STAC: variants seen among roughly 807,000 people sequenced by gnomAD.
STAC encodes the protein SH3 and cysteine rich domain, also known as SH3 and cysteine-rich domain-containing protein.
In STAC, 43 loss-of-function variants were observed where a neutral mutation model predicts 48.8. That is an observed-to-expected ratio of 0.88 (90% CI 0.69 to 1.14). The LOEUF is 1.14. Among genes scored for constraint, STAC ranks in the 50% most tolerant of loss-of-function variants. The probability of loss-of-function intolerance (pLI) is 0.00; values close to 1 mark genes in which losing one functional copy is unlikely to be tolerated. For missense variants in STAC, 497 were observed against 504.0 expected (o/e 0.99, Z 0.13); for synonymous variants, 193 against 179.5 (o/e 1.07, Z -0.60).
intron 2 of STAC, among the ~76,000 whole-genome samples, chr3:36,463,843 T>G (rs1697089520): frequency 6.6e-6 from 1 of 152,174 alleles, no homozygotes; most frequent in South Asian, 2.1e-4. Flanking sequence ...ACAAAGGACA[T>G]GAACTCATCC....
chr3:36,509,417 T>A (rs757017768), intron 8 of STAC, among the ~76,000 whole-genome samples: 2 of 152,086 alleles, frequency 1.3e-5, no homozygotes, highest in African/African-American at 2.4e-5. Flanking sequence ...TTTGTGGTGG[T>A]CTCCATATTT....
rs1699444073 is a variant in STAC at position 36,546,274 on chromosome 3, A to G, written c.1194A>G (p.Val398=). 3.7e-6 allele frequency: 6 copies of G among 1,613,850 alleles called. No individual in the cohort carries two copies. Among genetic ancestry groups the G allele is most frequent in the Non-Finnish European group, 5.1e-6 (6 of 1,179,862 alleles). ...AGAAAGGCCTCATCCCCCTTGATGT[A>G]CTAGAAAACATCTGATTGCTGGCTC... ...GKKKGLIPLD[V]LENI is the part of the protein sequence containing the mutation. The change falls in exon 11 of 11, where the codon GTA becomes GTG. Residue 398 remains valine, a synonymous_variant. Transcript: ENST00000273183.
chr3:36,397,484 T>G (rs1300646271), intron 1 of STAC, among the ~76,000 whole-genome samples: 3 of 152,208 alleles, frequency 2.0e-5, no homozygotes, highest in Non-Finnish European at 4.4e-5. Flanking sequence ...TTATATATAC[T>G]GTAAGTGAAA....
At chr3:36,388,890 T>C (rs189304961) in intron 1 of STAC, among the ~76,000 whole-genome samples, 143 of 152,324 alleles carry the variant, frequency 9.4e-4, no homozygotes, top group Non-Finnish European at 1.7e-3. Context: ...GCTTCAATTT[T>C]TGTAGCTTAA....
chr3:36,515,975 C>CTTTT (rs1203330014), intron 8 of STAC, among the ~76,000 whole-genome samples: 7 of 61,456 alleles, frequency 1.1e-4, no homozygotes, highest in Non-Finnish European at 1.4e-4. Flanking sequence ...CATTTTTCTC[C>CTTTT]TTTTTTTTTT....
At chr3:36,384,469 G>C (rs1361890714) in intron 1 of STAC, among the ~76,000 whole-genome samples, 1 of 152,038 alleles carries the variant, frequency 6.6e-6, no homozygotes, top group Non-Finnish European at 1.5e-5. Context: ...TAATATGTTT[G>C]TTATAAGCAT....
At chr3:36,438,380 G>A (rs1487419884) in intron 1 of STAC, among the ~76,000 whole-genome samples, 1 of 152,160 alleles carries the variant, frequency 6.6e-6, no homozygotes, top group Non-Finnish European at 1.5e-5. Context: ...AAACAAAATG[G>A]AGCTGGGCCA....
intron 6 of STAC, among the ~76,000 whole-genome samples, chr3:36,497,954 G>C (rs887678106): frequency 5.3e-5 from 8 of 152,070 alleles, no homozygotes; most frequent in Non-Finnish European, 1.2e-4. Context: ...TCTAGAGGAA[G>C]AAAATTTTAA....
At chr3:36,531,889 C>T (rs1427680571) in intron 10 of STAC, among the ~76,000 whole-genome samples, 3 of 152,110 alleles carry the variant, frequency 2.0e-5, no homozygotes, top group Admixed American at 2.0e-4. Flanking sequence ...AAACCATGAA[C>T]AAATAAATAT....
At chr3:36,427,083 T>C (rs1220694874) in intron 1 of STAC, among the ~76,000 whole-genome samples, 3 of 152,206 alleles carry the variant, frequency 2.0e-5, no homozygotes, top group Non-Finnish European at 2.9e-5. Flanking sequence ...GAAAATGAAC[T>C]GTGGTCTGTT....
chr3:36,529,312 A>G (rs1419969097), intron 10 of STAC: 1 of 170,784 alleles, frequency 5.9e-6, no homozygotes, highest in African/African-American at 2.4e-5. Flanking sequence ...AGCGTCCAAC[A>G]AAGGTGTGGT....
chr3:36,478,682 A>T (rs1169964353), intron 2 of STAC, among the ~76,000 whole-genome samples: 1 of 152,032 alleles, frequency 6.6e-6, no homozygotes, highest in Non-Finnish European at 1.5e-5. Flanking sequence ...TTTAGTAGAG[A>T]TGGGTTTTTT....
chr3:36,394,823 G>A (rs1699823488), intron 1 of STAC, among the ~76,000 whole-genome samples: 1 of 151,888 alleles, frequency 6.6e-6, no homozygotes, highest in South Asian at 2.1e-4. Flanking sequence ...CTTGAACCTG[G>A]GAGGCGGAGG....
intron 1 of STAC, among the ~76,000 whole-genome samples, chr3:36,394,156 C>T (rs116354578): frequency 0.012 from 1,756 of 152,160 alleles, 14 homozygotes; most frequent in Non-Finnish European, 0.019. Flanking sequence ...TCTTCATTGT[C>T]CAATATGGTA....
intron 5 of STAC, among the ~76,000 whole-genome samples, chr3:36,490,581 G>A (rs1426238352): frequency 6.6e-6 from 1 of 152,138 alleles, no homozygotes; most frequent in East Asian, 1.9e-4. Context: ...AGCACATAGA[G>A]GCAATTGCAG....
chr3:36,400,235 A>G (rs1575175995), intron 1 of STAC, among the ~76,000 whole-genome samples: 1 of 152,352 alleles, frequency 6.6e-6, no homozygotes, highest in Non-Finnish European at 1.5e-5. Flanking sequence ...AGAGAGATAA[A>G]TGGATAGATA....
intron 1 of STAC, among the ~76,000 whole-genome samples, chr3:36,381,472 C>T (rs193069652): frequency 9.2e-5 from 14 of 152,352 alleles, no homozygotes; most frequent in African/African-American, 3.4e-4. Context: ...TGGCTGCTAG[C>T]AGTGCAATGC....
intron 2 of STAC, among the ~76,000 whole-genome samples, chr3:36,458,634 C>T (rs368339126): frequency 1.3e-5 from 2 of 152,212 alleles, no homozygotes; most frequent in African/African-American, 4.8e-5. Flanking sequence ...CCTAGTTTAT[C>T]GGTAAAATGA....
At chr3:36,540,519 T>C (rs964530694) in intron 10 of STAC, among the ~76,000 whole-genome samples, 3 of 151,778 alleles carry the variant, frequency 2.0e-5, no homozygotes, top group African/African-American at 7.3e-5. Context: ...AGAGGACAGA[T>C]GAAAAATGAG....
Sources: allele counts gnomAD v4.1 joint callset (sites outside exome capture counted in the v4.1 genomes callset), GRCh38; gene constraint gnomAD v4.1.1; transcripts MANE v1.5; gene names NCBI Gene and HGNC (gene_info 2026-07-23, HGNC 2026-07-21).